Variants in ADGRL2 observed in about 807,000 individuals in gnomAD.
The protein encoded by ADGRL2 is adhesion G protein-coupled receptor L2.
ADGRL2 carries 44 observed loss-of-function variants against 157.4 expected under a neutral mutation model. The observed-to-expected ratio is 0.28, with a 90% confidence interval of 0.22 to 0.36. The LOEUF is 0.36. ADGRL2 is among the 10% of genes least tolerant of loss of function. The probability of loss-of-function intolerance (pLI) is 1.00; values close to 1 mark genes in which losing one functional copy is unlikely to be tolerated. For missense variants in ADGRL2, 1,510 were observed against 1,768.9 expected (o/e 0.85, Z 2.63); for synonymous variants, 585 against 624.7 (o/e 0.94, Z 0.95).
At chr1:81,421,922 A>G (rs757370076) in intron 1 of ADGRL2, among the ~76,000 whole-genome samples, 4 of 152,118 alleles carry the variant, frequency 2.6e-5, no homozygotes, top group Middle Eastern at 3.2e-3. Context: ...TCATTCCCAC[A>G]CTCATCTCAG....
intron 1 of ADGRL2, among the ~76,000 whole-genome samples, chr1:81,341,092 T>C (rs1029266379): frequency 2.0e-5 from 3 of 152,146 alleles, no homozygotes; most frequent in Non-Finnish European, 4.4e-5. Context: ...AATTTCTTGA[T>C]AACATATCCC....
intron 2 of ADGRL2, among the ~76,000 whole-genome samples, chr1:81,887,192 C>T (rs2094146773): frequency 6.6e-6 from 1 of 152,076 alleles, no homozygotes; most frequent in Non-Finnish European, 1.5e-5. Flanking sequence ...TCTTACTGAA[C>T]CAATTGATAA....
chr1:81,766,281 AAT>A (rs2086113764), intron 2 of ADGRL2, among the ~76,000 whole-genome samples: 1 of 152,158 alleles, frequency 6.6e-6, no homozygotes, highest in South Asian at 2.1e-4. Context: ...TTGAAGACAG[AAT>A]ATCTTTCTTG....
intron 1 of ADGRL2, among the ~76,000 whole-genome samples, chr1:81,363,960 C>G (rs1248928267): frequency 1.3e-5 from 2 of 152,136 alleles, no homozygotes; most frequent in African/African-American, 4.8e-5. Context: ...AGAAATTCTT[C>G]AAGTGAACCA....
chr1:81,777,400 T>C (rs892363008), intron 2 of ADGRL2, among the ~76,000 whole-genome samples: 1 of 152,240 alleles, frequency 6.6e-6, no homozygotes. Flanking sequence ...AGGCAGTTAG[T>C]GTTTTGGTCC....
At chr1:81,546,258 C>G (rs1196221190) in intron 2 of ADGRL2, among the ~76,000 whole-genome samples, 2 of 152,160 alleles carry the variant, frequency 1.3e-5, no homozygotes, top group Non-Finnish European at 1.5e-5. Context: ...TTCTGCCCAG[C>G]ACTATGGGTT....
chr1:81,348,693 A>G (rs1662658799), intron 1 of ADGRL2, among the ~76,000 whole-genome samples: 1 of 152,116 alleles, frequency 6.6e-6, no homozygotes, highest in African/African-American at 2.4e-5. Context: ...GGTTTCAAAG[A>G]CTTCTCTTTC....
At chr1:81,706,715 C>G (rs2149056614) in intron 1 of ADGRL2, among the ~76,000 whole-genome samples, 1 of 152,202 alleles carries the variant, frequency 6.6e-6, no homozygotes, top group African/African-American at 2.4e-5. Context: ...AAAAAGAAAA[C>G]TGAGAATGTC....
chr1:81,606,095 C>T (rs368316955), intron 3 of ADGRL2, among the ~76,000 whole-genome samples: 33 of 152,258 alleles, frequency 2.2e-4, no homozygotes, highest in African/African-American at 7.5e-4. Flanking sequence ...TATAGCTTGT[C>T]GTGAGCTCCT....
At chr1:81,368,517 T>G (rs1251766938) in intron 1 of ADGRL2, among the ~76,000 whole-genome samples, 2 of 152,214 alleles carry the variant, frequency 1.3e-5, no homozygotes, top group East Asian at 3.9e-4. Flanking sequence ...ATATTTGCCA[T>G]GTATCTGCTG....
rs571875560 is a variant in ADGRL2 at position 81,596,764 on chromosome 1, C to A, written c.-143+15784C>A. ...CTTTTGGCACAACGAATTTTTTTTC[C>A]TGAAAAATTCCCCACACATTTGCTT... On this transcript the variant is annotated intron_variant, in intron 3 of 24. Transcript: ENST00000370721. 4.0e-5 allele frequency among the ~76,000 whole-genome samples: 6 copies of A among 151,554 alleles called. No homozygotes were observed. The South Asian group carries it at 8.3e-4, about 21-fold the overall frequency.
intron 2 of ADGRL2, among the ~76,000 whole-genome samples, chr1:81,448,879 T>C (rs949813255): frequency 2.0e-5 from 3 of 152,168 alleles, no homozygotes; most frequent in Non-Finnish European, 4.4e-5. Flanking sequence ...TGGTCTATAT[T>C]ACACCCAAAA....
At chr1:81,459,764 T>C (rs910540067) in intron 2 of ADGRL2, among the ~76,000 whole-genome samples, 1 of 150,092 alleles carries the variant, frequency 6.7e-6, no homozygotes, top group Non-Finnish European at 1.5e-5. Context: ...ATATATATCC[T>C]GCTTAGTGTG....
At position 81,673,628 on chromosome 1, in the gene ADGRL2, C is replaced by G. The variant is rs908295892; in HGVS notation, c.-142-88183C>G. Among the ~76,000 whole-genome samples, 9 of 151,486 alleles carry G rather than the reference C, an allele frequency of 5.9e-5. No homozygotes were observed. The East Asian group carries it at 1.8e-3, about 30-fold the overall frequency. The stretch of plus-strand genomic sequence containing the variant: ...CTCCCGGGTTCACACCATTCTCCTG[C>G]CTCAGCCTCCCAAGGAGCTGGGACT... On this transcript the variant is annotated intron_variant, in intron 3 of 24. Transcript: ENST00000370721.
At chr1:81,796,353 C>G (rs745426785), upstream of ADGRL2, among the ~76,000 whole-genome samples, 109 of 152,190 alleles carry the variant, frequency 7.2e-4, no homozygotes, top group Non-Finnish European at 9.3e-4. Flanking sequence ...TTATGATGGA[C>G]AAAATTACTA....
At chr1:81,360,957 A>C (rs1457415993) in intron 1 of ADGRL2, among the ~76,000 whole-genome samples, 1 of 151,942 alleles carries the variant, frequency 6.6e-6, no homozygotes, top group East Asian at 1.9e-4. Context: ...TTTGAATAGT[A>C]AATCTGTAGA....
intron 3 of ADGRL2, among the ~76,000 whole-genome samples, chr1:81,667,027 C>T (rs1039652481): frequency 1.4e-4 from 22 of 152,128 alleles, no homozygotes; most frequent in Non-Finnish European, 2.2e-4. Flanking sequence ...TAATAGTGCA[C>T]ACACTGAACT....
intron 3 of ADGRL2, among the ~76,000 whole-genome samples, chr1:81,690,976 A>G (rs1299547832): frequency 1.3e-5 from 2 of 152,216 alleles, no homozygotes; most frequent in African/African-American, 4.8e-5. Flanking sequence ...TTGTTCTGGT[A>G]CTGCTTCTGA....
chr1:81,827,908 T>G (rs778890126), intron 1 of ADGRL2, among the ~76,000 whole-genome samples: 34 of 152,182 alleles, frequency 2.2e-4, no homozygotes, highest in Non-Finnish European at 4.4e-4. Flanking sequence ...GCTACTTTGT[T>G]TTTCTTATTC....
Sources: gnomAD v4.1 joint callset for allele counts (sites outside exome capture counted in the v4.1 genomes callset) on GRCh38, gnomAD v4.1.1 for gene constraint, MANE v1.5 for transcripts, NCBI Gene and HGNC (gene_info 2026-07-23, HGNC 2026-07-21) for gene names.